PDZD2: variants seen among roughly 807,000 people sequenced by gnomAD.
PDZD2 encodes the protein PDZ domain containing 2, also known as PDZ domain-containing protein 2.
In PDZD2, 90 loss-of-function variants were observed where a neutral mutation model predicts 220.7. The ratio of observed to expected loss-of-function variants is 0.41; its 90% CI spans 0.34 to 0.49. The LOEUF (loss-of-function observed/expected upper bound fraction) is 0.49. PDZD2 is among the 20% of genes least tolerant of loss of function. The probability of loss-of-function intolerance (pLI) is 0.28; values close to 1 mark genes in which losing one functional copy is unlikely to be tolerated. For missense variants in PDZD2, 3,174 were observed against 3,608.5 expected (o/e 0.88, Z 3.08); for synonymous variants, 1,375 against 1,450.5 (o/e 0.95, Z 1.18).
chr5:31,749,267 C>A (rs4867081), intron 1 of PDZD2, among the ~76,000 whole-genome samples: 27,404 of 151,978 alleles, frequency 0.18, 2,606 homozygotes, highest in East Asian at 0.31. Flanking sequence ...CAGCATAGGC[C>A]CACAGATACT....
At chr5:32,092,815 T>C in intron 20 of PDZD2, 92 bp from the exon 21 acceptor site, 1 of 603,838 alleles carries the variant, frequency 1.7e-6, no homozygotes, top group Non-Finnish European at 2.9e-6. Flanking sequence ...CTCTTTTGTA[T>C]AGTAGAAAGG....
At chr5:31,852,511 T>TAC (rs1561510023) in intron 2 of PDZD2, among the ~76,000 whole-genome samples, 3 of 150,898 alleles carry the variant, frequency 2.0e-5, no homozygotes, top group African/African-American at 7.3e-5. Flanking sequence ...CTCTCAAACT[T>TAC]CTGACCTCAA....
At chr5:31,740,302 C>G (rs1750168203) in intron 1 of PDZD2, among the ~76,000 whole-genome samples, 1 of 151,380 alleles carries the variant, frequency 6.6e-6, no homozygotes, top group Non-Finnish European at 1.5e-5. Context: ...GGGCAGATCA[C>G]AAGGTTAGGA....
At chr5:32,075,884 TAATAGA>T (rs1401135610) in intron 18 of PDZD2, among the ~76,000 whole-genome samples, 1 of 152,222 alleles carries the variant, frequency 6.6e-6, no homozygotes, top group Non-Finnish European at 1.5e-5. Context: ...ATTTTTGTTT[TAATAGA>T]AATGCACATC....
chr5:31,820,476 T>C (rs1015305077), intron 2 of PDZD2: 2 of 152,246 alleles, frequency 1.3e-5, no homozygotes, highest in Non-Finnish European at 2.9e-5. Context: ...CACTGATAAT[T>C]TAGGTAAGCA....
intron 3 of PDZD2, among the ~76,000 whole-genome samples, chr5:31,987,855 G>A (rs1335840754): frequency 6.6e-6 from 1 of 152,136 alleles, no homozygotes; most frequent in East Asian, 1.9e-4. Flanking sequence ...GGGAGAGTGG[G>A]ACAGCTGGTC....
At chr5:31,654,850 A>G (rs185373068) in intron 1 of PDZD2, among the ~76,000 whole-genome samples, 48 of 152,192 alleles carry the variant, frequency 3.2e-4, no homozygotes, top group Non-Finnish European at 5.7e-4. Flanking sequence ...TCTCTGCCCA[A>G]ACCTTCCCAG....
intron 3 of PDZD2, among the ~76,000 whole-genome samples, chr5:31,989,717 C>G (rs1751063777): frequency 6.6e-6 from 1 of 152,226 alleles, no homozygotes; most frequent in Non-Finnish European, 1.5e-5. Flanking sequence ...AGCCACCACA[C>G]CTGGCCTGGT....
At chr5:31,862,253 C>T (rs1372337605) in intron 2 of PDZD2, among the ~76,000 whole-genome samples, 1 of 151,662 alleles carries the variant, frequency 6.6e-6, no homozygotes, top group Non-Finnish European at 1.5e-5. Context: ...TACAGGTGTG[C>T]TCCACCACAC....
chr5:31,841,765 G>C (rs1031985452), intron 2 of PDZD2, among the ~76,000 whole-genome samples: 8 of 151,796 alleles, frequency 5.3e-5, no homozygotes, highest in African/African-American at 1.9e-4. Context: ...GAGGTCAGGA[G>C]TTCGAGACCA....
In PDZD2 at chr5:31,758,088, G is replaced by A. The variant is rs376360258; in HGVS notation, c.-360-40801G>A. Among the ~76,000 whole-genome samples, 3 of 152,348 alleles carry A rather than the reference G, an allele frequency of 2.0e-5. No individual in the cohort carries two copies. The South Asian group carries it at 6.2e-4, about 32-fold the overall frequency. ...GTTTTGTACGTCTCGCCTGACAGGCGCTGGCAGCTCCGTCCAAGAGCTCCC... is the reference window on the plus strand; with the variant it reads ...GTTTTGTACGTCTCGCCTGACAGGCACTGGCAGCTCCGTCCAAGAGCTCCC... On this transcript the variant is annotated intron_variant, in intron 1 of 24. Transcript: ENST00000438447.
chr5:32,064,748 A>G (rs1473810328), intron 14 of PDZD2, among the ~76,000 whole-genome samples: 1 of 151,918 alleles, frequency 6.6e-6, no homozygotes, highest in Non-Finnish European at 1.5e-5. Context: ...TGGGTGGATC[A>G]CTTGAGGTCA....
chr5:32,025,469 G>A (rs1754563336), intron 6 of PDZD2, among the ~76,000 whole-genome samples: 1 of 151,542 alleles, frequency 6.6e-6, no homozygotes, highest in Non-Finnish European at 1.5e-5. Flanking sequence ...AGGTTGTGGT[G>A]AGCCAAGATC....
chr5:32,055,712 T>C (rs1366474938), intron 10 of PDZD2, among the ~76,000 whole-genome samples: 1 of 152,192 alleles, frequency 6.6e-6, no homozygotes, highest in Non-Finnish European at 1.5e-5. Flanking sequence ...GAATCTCCTA[T>C]TTTTTAGGCA....
At chr5:31,760,211 GAGCATCTACAGGGCACTC>G (rs11272319) in intron 1 of PDZD2, among the ~76,000 whole-genome samples, 6,261 of 152,244 alleles carry the variant, frequency 0.041, 152 homozygotes, top group Middle Eastern at 0.071. Flanking sequence ...CATATTTACT[GAGCATCTACAGGGCACTC>G]AGCATGATTC....
chr5:31,743,774 A>T (rs1179635154), intron 1 of PDZD2, among the ~76,000 whole-genome samples: 1 of 152,030 alleles, frequency 6.6e-6, no homozygotes, highest in Non-Finnish European at 1.5e-5. Context: ...CAGCTAGGAT[A>T]TTGGTGCCTC....
At position 32,090,600 on chromosome 5, in the gene PDZD2, C is replaced by T. The variant is rs1743024197; in HGVS notation, c.7152C>T (p.His2384=). Residue 2384 remains histidine (H), a synonymous_variant, in exon 20 of 25, where the codon CAC becomes CAT. Coordinates refer to ENST00000438447, the MANE Select transcript of PDZD2 (RefSeq NM_178140.4). This position sits in a 1 kb window ranked among gnomAD's most constrained non-coding sequence, Gnocchi z 4.3. ...GCATTGTTTCCGGGAGCCTGGGCCA[C>T]CCAGGTGACGCAGCAGCAAGGTTGT... ...SGSIVSGSLG[H]PGDAAARLLR... is the part of the protein sequence containing the mutation. 1 of 1,613,924 alleles carries T rather than the reference C, an allele frequency of 6.2e-7. No individual in the cohort carries two copies. Among genetic ancestry groups the T allele is most frequent in the South Asian group, 1.1e-5 (1 of 91,084 alleles).
intron 6 of PDZD2, among the ~76,000 whole-genome samples, chr5:32,035,240 T>C (rs1303878638): frequency 6.6e-6 from 1 of 151,972 alleles, no homozygotes; most frequent in Non-Finnish European, 1.5e-5. Context: ...CTGCTTACTT[T>C]ATACGTTTTT....
intron 1 of PDZD2, among the ~76,000 whole-genome samples, chr5:31,708,064 G>A (rs528206048): frequency 2.0e-5 from 3 of 152,280 alleles, no homozygotes; most frequent in African/African-American, 4.8e-5. Flanking sequence ...CAAGAGATAC[G>A]TAATAATACT....
Sources: allele counts gnomAD v4.1 joint callset (sites outside exome capture counted in the v4.1 genomes callset), GRCh38; gene constraint gnomAD v4.1.1; non-coding constraint Gnocchi (gnomAD v3.1); transcripts MANE v1.5; gene names NCBI Gene and HGNC (gene_info 2026-07-23, HGNC 2026-07-21).